The following MBP variants were observed in gnomAD, a reference collection of about 807,000 sequenced individuals.
MBP encodes the protein myelin basic protein.
In MBP, 16 loss-of-function variants were observed where a neutral mutation model predicts 35.8. The ratio of observed to expected loss-of-function variants is 0.45; its 90% CI spans 0.30 to 0.68. MBP has a LOEUF of 0.68. Among genes scored for constraint, MBP ranks in the 30% least tolerant of loss-of-function variants. The pLI is 0.08. For missense variants in MBP, 380 were observed against 404.7 expected (o/e 0.94, Z 0.52); for synonymous variants, 143 against 159.6 (o/e 0.90, Z 0.78).
At position 77,011,203 on chromosome 18, in the gene MBP, A is replaced by C. The variant is rs146118008; in HGVS notation, c.576+5629T>G. On this transcript the variant is annotated intron_variant, in intron 4 of 8. Transcript: ENST00000355994. ...GTTAGCAGGAATTTCTGGTGACTTTAATTCATGATATTAAAGGTAAGTAAA... is the reference window on the plus strand; with the variant it reads ...GTTAGCAGGAATTTCTGGTGACTTTCATTCATGATATTAAAGGTAAGTAAA... 2.3e-3 allele frequency among the ~76,000 whole-genome samples: 348 copies of C among 152,234 alleles called. 3 individuals are homozygous for C. The highest frequency in any genetic ancestry group is 6.8e-3 in the Middle Eastern group (2 of 294).
chr18:76,999,389 A>G (rs1970510482), intron 4 of MBP, among the ~76,000 whole-genome samples: 1 of 151,990 alleles, frequency 6.6e-6, no homozygotes, highest in African/African-American at 2.4e-5. Flanking sequence ...GTATAAGGTC[A>G]TCCTGAAAGT....
rs79034349 is a variant in MBP at position 77,044,732 on chromosome 18, C to T, written c.139+21566G>A. On this transcript the variant is annotated intron_variant, in intron 3 of 8. Transcript: ENST00000355994. This position sits in a 1 kb window ranked among gnomAD's most constrained non-coding sequence, Gnocchi z 4.4. The stretch of plus-strand genomic sequence containing the variant: ...CTGAAATGCTTAAAAGCAAATTAAA[C>T]TTAACTCATAAAAGGAGAAGAAAAA... 0.054 allele frequency among the ~76,000 whole-genome samples: 8,178 copies of T among 152,228 alleles called. 260 individuals carry two copies. The highest frequency in any genetic ancestry group is 0.1 in the South Asian group (483 of 4,826).
chr18:77,023,800 G>A (rs926352006), intron 3 of MBP, among the ~76,000 whole-genome samples: 39 of 152,146 alleles, frequency 2.6e-4, no homozygotes, highest in African/African-American at 7.7e-4. Context: ...CTCCGAGTGC[G>A]TCTTACCCTC....
intron 1 of MBP, among the ~76,000 whole-genome samples, chr18:77,130,708 C>T (rs1244669199): frequency 6.6e-6 from 1 of 150,966 alleles, no homozygotes; most frequent in Non-Finnish European, 1.5e-5. Context: ...CTTTTTTCCC[C>T]AGCGTTTCGT....
intron 2 of MBP, among the ~76,000 whole-genome samples, chr18:77,073,746 G>T (rs934893021): frequency 8.5e-5 from 13 of 152,162 alleles, no homozygotes; most frequent in Admixed American, 6.5e-5. Context: ...CAGACCTGTG[G>T]AAGGTTATCT....
chr18:77,061,384 C>T (rs2144770169), intron 3 of MBP, among the ~76,000 whole-genome samples: 1 of 152,334 alleles, frequency 6.6e-6, no homozygotes, highest in African/African-American at 2.4e-5. Context: ...AAAATACTAG[C>T]CAATGTTTAC....
intron 2 of MBP, chr18:77,069,006 TC>T (rs1269454897): frequency 2.1e-6 from 1 of 484,776 alleles, no homozygotes; most frequent in African/African-American, 1.9e-5. Flanking sequence ...CCCCATGGCT[TC>T]CAGGCTCCCA....
At chr18:77,011,416 T>A (rs1971341179) in intron 4 of MBP, among the ~76,000 whole-genome samples, 1 of 152,180 alleles carries the variant, frequency 6.6e-6, no homozygotes, top group Admixed American at 6.5e-5. Context: ...TCTCCTACAA[T>A]GGCTCTTCTT....
At chr18:77,076,759 G>A (rs1974667934) in intron 2 of MBP, among the ~76,000 whole-genome samples, 1 of 152,140 alleles carries the variant, frequency 6.6e-6, no homozygotes, top group South Asian at 2.1e-4. Flanking sequence ...AAACTTTTGA[G>A]TATGAGGTTA....
intron 2 of MBP, among the ~76,000 whole-genome samples, chr18:77,093,692 A>C (rs1041927887): frequency 1.3e-5 from 2 of 152,218 alleles, no homozygotes; most frequent in Non-Finnish European, 2.9e-5. Flanking sequence ...TGAACCTCGT[A>C]AGATTGTTCT....
At chr18:77,024,964 G>A (rs187213964) in intron 3 of MBP, among the ~76,000 whole-genome samples, 3 of 152,292 alleles carry the variant, frequency 2.0e-5, no homozygotes, top group East Asian at 1.9e-4. Context: ...CACAGCACCC[G>A]CAGAGAGTGG....
intron 3 of MBP, among the ~76,000 whole-genome samples, chr18:77,055,171 G>A (rs1400346177): frequency 1.3e-5 from 2 of 152,174 alleles, no homozygotes; most frequent in Non-Finnish European, 2.9e-5. Flanking sequence ...CACCTTCTGT[G>A]GTAGAGAAAA....
chr18:76,982,964 AAC>A lies in MBP; in HGVS notation c.870+1809_870+1810del, dbSNP rs368778405. ...GGAAAATACTGAACTTATTTCAGGA[AAC>A]ACATGTGTATAGTACACTGGTTATA... On this transcript the variant is annotated intron_variant, in intron 8 of 8. Coordinates refer to ENST00000355994, the MANE Select transcript of MBP (RefSeq NM_001025101.2). 3.3e-5 allele frequency: 5 copies of A among 152,256 alleles called. No individual in the cohort carries two copies. In the South Asian group the frequency reaches 8.3e-4, roughly 25 times the overall value. The allele number at this position is 152,256 out of a possible 1,614,324, so 9.4% of individuals were successfully genotyped here. A position where few individuals can be genotyped will look rare whatever the true frequency, so the allele number is the denominator to read the frequency against.
At chr18:76,987,078 A>G (rs1969600693) in intron 7 of MBP, 1 of 985,472 alleles carries the variant, frequency 1.0e-6, no homozygotes, top group African/African-American at 1.7e-5. Context: ...AAAGGGAGAG[A>G]TGCAGGGAGG....
intron 3 of MBP, among the ~76,000 whole-genome samples, chr18:77,028,773 A>T (rs1320513857): frequency 6.2e-5 from 6 of 96,658 alleles, no homozygotes; most frequent in Non-Finnish European, 1.3e-4. Context: ...TCCCTCCCGG[A>T]CGGGGTGGCT....
In MBP at chr18:76,989,782, G is replaced by A. The variant is rs928245888; in HGVS notation, c.681+174C>T. ...TCCGTGGCAGATACAGTCGGGAAGC[G>A]CTTGCCTGGAACTCGCGATCAGGTG... On this transcript the variant is annotated intron_variant, in intron 5 of 8. Transcript: ENST00000355994. The surrounding 1 kb of genome is among the most constrained non-coding windows in gnomAD (Gnocchi z 4.0). The A allele has an allele frequency of 1.6e-6, 1 of 611,486 alleles. No individual in the cohort carries two copies. Among genetic ancestry groups the A allele is most frequent in the Non-Finnish European group, 3.0e-6 (1 of 338,740 alleles). 37.9% of individuals were successfully genotyped at this position (611,486 alleles called of 1,614,324 possible).
At chr18:77,014,062 C>A (rs764349287) in intron 4 of MBP, 85 of 985,370 alleles carry the variant, frequency 8.6e-5, no homozygotes, top group Non-Finnish European at 9.6e-5. Context: ...ACTGGGAAAC[C>A]TGTTCCTTAA....
At chr18:77,105,385 G>T in intron 1 of MBP, 99 bp from the exon 2 acceptor site, 1 of 703,784 alleles carries the variant, frequency 1.4e-6, no homozygotes. Context: ...TATATGTAAT[G>T]CCCATTTTTG....
At chr18:77,081,825 C>CACACACATATATATACACACACTATATAT (rs1250356949) in intron 2 of MBP, among the ~76,000 whole-genome samples, 16 of 51,216 alleles carry the variant, frequency 3.1e-4, no homozygotes, top group African/African-American at 6.5e-4. Context: ...TATATACACA[C>CACACACATATATATACACACACTATATAT]ACACACACAC....
Sources: gnomAD v4.1 joint callset for allele counts (sites outside exome capture counted in the v4.1 genomes callset) on GRCh38, gnomAD v4.1.1 for gene constraint, Gnocchi (gnomAD v3.1) non-coding constraint, MANE v1.5 for transcripts, NCBI Gene and HGNC (gene_info 2026-07-23, HGNC 2026-07-21) for gene names.